TINAG: variants seen among roughly 807,000 people sequenced by gnomAD.
TINAG encodes tubulointerstitial nephritis antigen.
A neutral mutation model predicts 72.7 loss-of-function variants in TINAG; 83 were observed. The observed-to-expected ratio is 1.14, with a 90% CI of 0.96 to 1.37. The LOEUF is 1.37. TINAG is among the 40% of genes most tolerant of loss of function. The probability of loss-of-function intolerance (pLI) is 0.00; values close to 1 mark genes in which losing one functional copy is unlikely to be tolerated. For synonymous variants in TINAG, 234 were observed against 189.9 expected (o/e 1.23, Z -1.91); for missense variants, 685 against 576.6 (o/e 1.19, Z -1.93).
chr6:54,381,475 T>C (rs1763947714), intron 10 of TINAG, among the ~76,000 whole-genome samples: 1 of 152,034 alleles, frequency 6.6e-6, no homozygotes, highest in Non-Finnish European at 1.5e-5. Context: ...CTAGAACTTG[T>C]ACTCATCAGA....
intron 1 of TINAG, among the ~76,000 whole-genome samples, chr6:54,315,686 A>T (rs1243581198): frequency 1.3e-5 from 1 of 76,022 alleles, no homozygotes; most frequent in East Asian, 2.6e-4. Flanking sequence ...AAGTAAAAAA[A>T]AAAAAGTAAA....
intron 4 of TINAG, among the ~76,000 whole-genome samples, chr6:54,335,384 A>T (rs1430855005): frequency 2.0e-5 from 3 of 152,200 alleles, no homozygotes; most frequent in Non-Finnish European, 4.4e-5. Flanking sequence ...AAGTTACAAC[A>T]CCTGGAATTG....
In TINAG at chr6:54,347,325, C is replaced by T. The variant is rs184904384; in HGVS notation, c.749-42C>T. 3.9e-4 allele frequency: 618 copies of T among 1,599,856 alleles called. 2 individuals are homozygous for T. The African/African-American group carries it at 6.2e-3, about 16-fold the overall frequency. ...GGGTTATGTACCTTATTAGAAATACCGTGTATCATTTCAATATTAATTGAT... is the reference window on the plus strand; with the variant it reads ...GGGTTATGTACCTTATTAGAAATACTGTGTATCATTTCAATATTAATTGAT... On this transcript the variant is annotated intron_variant, in intron 5 of 10. Transcript: ENST00000259782.
intron 9 of TINAG, among the ~76,000 whole-genome samples, chr6:54,375,184 G>A (rs1188376313): frequency 6.6e-6 from 1 of 152,156 alleles, no homozygotes; most frequent in Non-Finnish European, 1.5e-5. Flanking sequence ...AAGCAAATGT[G>A]TTCTTAACAC....
At chr6:54,338,100 T>C (rs1202402155) in intron 4 of TINAG, among the ~76,000 whole-genome samples, 1 of 152,212 alleles carries the variant, frequency 6.6e-6, no homozygotes, top group Admixed American at 6.5e-5. Flanking sequence ...TCACTCCTTA[T>C]TCACCTACAC....
At chr6:54,373,250 A>G (rs1217820084) in intron 9 of TINAG, among the ~76,000 whole-genome samples, 1 of 152,014 alleles carries the variant, frequency 6.6e-6, no homozygotes, top group East Asian at 1.9e-4. Flanking sequence ...TGATCTTCCT[A>G]TGGCTGCCTA....
chr6:54,320,335 T>G (rs980959987), intron 1 of TINAG, among the ~76,000 whole-genome samples: 7 of 152,142 alleles, frequency 4.6e-5, no homozygotes, highest in African/African-American at 1.7e-4. Context: ...CTTGTTTTCA[T>G]GTTTTGCAAA....
chr6:54,355,919 G>A (rs777782400), intron 9 of TINAG, among the ~76,000 whole-genome samples: 1 of 151,770 alleles, frequency 6.6e-6, no homozygotes, highest in Non-Finnish European at 1.5e-5. Flanking sequence ...ACAAGATAGT[G>A]CAGTACTTCA....
chr6:54,328,173 G>A (rs973783897), intron 4 of TINAG, among the ~76,000 whole-genome samples: 1 of 152,080 alleles, frequency 6.6e-6, no homozygotes, highest in African/African-American at 2.4e-5. Flanking sequence ...CTCTTGACTG[G>A]GAGACACCTC....
intron 6 of TINAG, 112 bp downstream of exon 6, chr6:54,347,629 C>T: frequency 9.8e-7 from 1 of 1,020,382 alleles, no homozygotes; most frequent in South Asian, 1.9e-5. Context: ...AATATATATA[C>T]TACATCTACA....
chr6:54,354,397 C>A, intron 8 of TINAG, 116 bp from the exon 9 acceptor site: 2 of 921,690 alleles, frequency 2.2e-6, no homozygotes, highest in South Asian at 3.7e-5. Flanking sequence ...CACACAGCCC[C>A]TTCTTAGATT....
chr6:54,373,663 C>T (rs909097623), intron 9 of TINAG, among the ~76,000 whole-genome samples: 9 of 151,954 alleles, frequency 5.9e-5, no homozygotes, highest in African/African-American at 1.7e-4. Flanking sequence ...CTGACATGGA[C>T]GATATGCAAA....
intron 6 of TINAG, 113 bp from the exon 7 acceptor site, chr6:54,349,603 A>C (rs561226568): frequency 1.0e-6 from 1 of 975,244 alleles, no homozygotes; most frequent in East Asian, 2.9e-5. Context: ...AAAATTATGC[A>C]TGTAAGTAAC....
At chr6:54,385,293 A>T (rs552861598) in intron 10 of TINAG, among the ~76,000 whole-genome samples, 2 of 152,102 alleles carry the variant, frequency 1.3e-5, no homozygotes, top group Non-Finnish European at 2.9e-5. Context: ...ACAAATTGCC[A>T]TAGAAATGAA....
intron 9 of TINAG, among the ~76,000 whole-genome samples, chr6:54,364,945 A>G (rs1408499780): frequency 6.6e-6 from 1 of 151,580 alleles, no homozygotes; most frequent in Admixed American, 6.6e-5. Context: ...TAGGGCAATT[A>G]CAAATTATTT....
chr6:54,338,178 G>GTCA (rs1466100954), intron 4 of TINAG, among the ~76,000 whole-genome samples: 2 of 152,118 alleles, frequency 1.3e-5, no homozygotes, highest in African/African-American at 4.8e-5. Flanking sequence ...TTCTGCACTA[G>GTCA]TCACAGTCTG....
intron 7 of TINAG, among the ~76,000 whole-genome samples, chr6:54,350,399 A>G (rs1011847299): frequency 2.0e-5 from 3 of 151,784 alleles, no homozygotes; most frequent in African/African-American, 7.2e-5. Context: ...GAATTTGTGA[A>G]CCTCCAGTGT....
chr6:54,310,241 C>A (rs1261264154), intron 1 of TINAG, among the ~76,000 whole-genome samples: 2 of 151,912 alleles, frequency 1.3e-5, no homozygotes, highest in Admixed American at 6.6e-5. Flanking sequence ...TGCCTCCACA[C>A]CCAGCTAATT....
chr6:54,320,292 T>C (rs1242677787), intron 1 of TINAG, among the ~76,000 whole-genome samples: 1 of 152,144 alleles, frequency 6.6e-6, no homozygotes, highest in African/African-American at 2.4e-5. Flanking sequence ...GCATTAATTA[T>C]TTTTTAAGCA....
Sources: gnomAD v4.1 joint callset for allele counts (sites outside exome capture counted in the v4.1 genomes callset) on GRCh38, gnomAD v4.1.1 for gene constraint, MANE v1.5 for transcripts, NCBI Gene and HGNC (gene_info 2026-07-23, HGNC 2026-07-21) for gene names.